ARHGEF38: variants seen among roughly 807,000 people sequenced by gnomAD.
ARHGEF38 encodes the protein Rho guanine nucleotide exchange factor (GEF) 38.
A neutral mutation model predicts 79.9 loss-of-function variants in ARHGEF38; 79 were observed. The observed-to-expected ratio is 0.99, with a 90% CI of 0.82 to 1.19. The LOEUF (loss-of-function observed/expected upper bound fraction) is 1.19, where lower values mean the gene tolerates loss of function less well. Among genes scored for constraint, ARHGEF38 ranks in the 50% most tolerant of loss-of-function variants. ARHGEF38 has a pLI of 0.00. For missense variants in ARHGEF38, 962 were observed against 907.2 expected, an observed-to-expected ratio of 1.06 and a Z score of -0.78; for synonymous variants, 366 against 328.3, an observed-to-expected ratio of 1.11 and a Z score of -1.24.
chr4:105,664,898 C>T (rs1305263399), intron 10 of ARHGEF38, among the ~76,000 whole-genome samples: 1 of 152,150 alleles, frequency 6.6e-6, no homozygotes, highest in South Asian at 2.1e-4. Context: ...ATATCCTTAT[C>T]TCATTTTCTT....
intron 1 of ARHGEF38, among the ~76,000 whole-genome samples, chr4:105,556,990 C>T (rs1401214673): frequency 6.6e-6 from 1 of 152,104 alleles, no homozygotes; most frequent in Non-Finnish European, 1.5e-5. Context: ...TCAAAAATTC[C>T]TCTTCTATTA....
chr4:105,659,185 G>C lies in ARHGEF38; in HGVS notation c.1365G>C (p.Thr455=), dbSNP rs191767409. 1.3e-6 allele frequency: 2 copies of C among 1,536,032 alleles called. No homozygotes were observed. The highest frequency in any genetic ancestry group is 1.7e-6 in the Non-Finnish European group (2 of 1,146,876). Reference sequence around the variant, plus strand: ...GCAACAGCTACCTGCAGCGATCAACGGGAGAGGAGTCAGACTTGGCCAAAA... The same window carrying C: ...GCAACAGCTACCTGCAGCGATCAACCGGAGAGGAGTCAGACTTGGCCAAAA... ...LDCNSYLQRS[T]GEESDLAKKE... Residue 455 remains threonine, a synonymous_variant, in exon 10 of 14, where the codon ACG becomes ACC. Transcript: ENST00000420470.
At chr4:105,615,821 C>T (rs940217184) in intron 3 of ARHGEF38, among the ~76,000 whole-genome samples, 2 of 152,154 alleles carry the variant, frequency 1.3e-5, no homozygotes, top group Non-Finnish European at 2.9e-5. Context: ...AAGGAAAGTT[C>T]TATCTTTCTT....
intron 1 of ARHGEF38, among the ~76,000 whole-genome samples, chr4:105,579,722 G>GT (rs1726686335): frequency 6.6e-6 from 1 of 152,114 alleles, no homozygotes; most frequent in Admixed American, 6.6e-5. Flanking sequence ...CCAGTCTTTG[G>GT]TATCAGGATG....
chr4:105,675,607 G>A (rs182825693), intron 13 of ARHGEF38, among the ~76,000 whole-genome samples: 20 of 152,274 alleles, frequency 1.3e-4, no homozygotes, highest in Non-Finnish European at 2.4e-4. Context: ...GTACCATAAT[G>A]TGGTCAATGG....
At chr4:105,580,541 G>T (rs77927640) in intron 1 of ARHGEF38, among the ~76,000 whole-genome samples, 2 of 151,974 alleles carry the variant, frequency 1.3e-5, no homozygotes, top group African/African-American at 4.8e-5. Context: ...AATTTTCTTG[G>T]TCATTAATTC....
chr4:105,600,546 A>G (rs28496264), intron 2 of ARHGEF38, among the ~76,000 whole-genome samples: 1,912 of 152,256 alleles, frequency 0.013, 37 homozygotes, highest in African/African-American at 0.044. Context: ...TTTTGTCCAC[A>G]TTAGCTCTGT....
At chr4:105,642,319 A>G (rs1382353081) in intron 5 of ARHGEF38, among the ~76,000 whole-genome samples, 1 of 152,170 alleles carries the variant, frequency 6.6e-6, no homozygotes, top group African/African-American at 2.4e-5. Context: ...AGTGTCTGGG[A>G]GATTTCTCAT....
intron 2 of ARHGEF38, among the ~76,000 whole-genome samples, chr4:105,605,232 C>A (rs1412576625): frequency 6.6e-6 from 1 of 152,090 alleles, no homozygotes; most frequent in Non-Finnish European, 1.5e-5. Flanking sequence ...AATATAATAA[C>A]TTTGCTTTTC....
rs1253774168 is a variant in ARHGEF38 at position 105,556,772 on chromosome 4, A to G, written c.196+3811A>G. 3.9e-5 allele frequency among the ~76,000 whole-genome samples: 6 copies of G among 152,272 alleles called. No individual in the cohort carries two copies. In the East Asian group the frequency reaches 5.8e-4, roughly 15 times the overall value. ...TTGAATGATCAGGCCCAAGCAGGAA[A>G]CTGGTGTGAAGAAAGACACCATGGC... On this transcript the variant is annotated intron_variant, in intron 1 of 13. Coordinates refer to ENST00000420470, the MANE Select transcript of ARHGEF38 (RefSeq NM_001242729.2).
chr4:105,576,196 A>G (rs1350050407), intron 1 of ARHGEF38, among the ~76,000 whole-genome samples: 2 of 152,042 alleles, frequency 1.3e-5, no homozygotes, highest in African/African-American at 2.4e-5. Context: ...TGATTTTGGT[A>G]TTTTGATGGG....
In ARHGEF38 at chr4:105,678,008, A is replaced by C; in HGVS notation, c.*71A>C. On this transcript the variant is annotated 3_prime_UTR_variant, in exon 14 of 14. Coordinates refer to ENST00000420470, the MANE Select transcript of ARHGEF38 (RefSeq NM_001242729.2). ...CTACCTCATAAAACTGACATTACAAAACTTTGGACCAGAAAGCAAGAAACC... is the reference window on the plus strand; with the variant it reads ...CTACCTCATAAAACTGACATTACAACACTTTGGACCAGAAAGCAAGAAACC... The C allele has an allele frequency of 2.2e-6, 3 of 1,353,830 alleles. No individual in the cohort carries two copies. Among genetic ancestry groups the C allele is most frequent in the Non-Finnish European group, 2.9e-6 (3 of 1,026,976 alleles). The allele number at this position is 1,353,830 out of a possible 1,614,324, so 83.9% of individuals were successfully genotyped here. A position where few individuals can be genotyped will look rare whatever the true frequency, so the allele number is the denominator to read the frequency against.
intron 2 of ARHGEF38, among the ~76,000 whole-genome samples, chr4:105,593,883 G>A (rs959550629): frequency 6.6e-6 from 1 of 152,126 alleles, no homozygotes; most frequent in Non-Finnish European, 1.5e-5. Context: ...AACATTTATG[G>A]TCGTTTATTT....
intron 6 of ARHGEF38, among the ~76,000 whole-genome samples, chr4:105,648,327 C>T (rs1418430662): frequency 1.3e-5 from 2 of 151,778 alleles, no homozygotes; most frequent in African/African-American, 4.8e-5. Context: ...AAACTTAATC[C>T]TTGAGGGGCT....
Position 105,663,121 on chromosome 4 carries a change from A to G in ARHGEF38, c.1546-3056A>G, listed in dbSNP as rs192442511. On this transcript the variant is annotated intron_variant, in intron 10 of 13. Transcript: ENST00000420470. ...GTACAACCCTCACACAGCTTACCCAATGGTAACACATCTTGCATAACTACA... is the reference window on the plus strand; with the variant it reads ...GTACAACCCTCACACAGCTTACCCAGTGGTAACACATCTTGCATAACTACA... 3.0e-4 allele frequency among the ~76,000 whole-genome samples: 46 copies of G among 152,300 alleles called. 1 individual carries two copies. Among genetic ancestry groups the G allele is most frequent in the Middle Eastern group, 3.4e-3 (1 of 294 alleles).
intron 1 of ARHGEF38, among the ~76,000 whole-genome samples, chr4:105,569,712 A>G (rs1726122606): frequency 6.6e-6 from 1 of 152,186 alleles, no homozygotes; most frequent in Non-Finnish European, 1.5e-5. Flanking sequence ...CAGTGGTGTG[A>G]CCTTGGGCAA....
Position 105,613,445 on chromosome 4 carries a change from C to T in ARHGEF38, c.446C>T (p.Ala149Val). The change falls in exon 3 of 14, where the codon GCC becomes GTC. Residue 149 changes from alanine to valine, a missense_variant. Coordinates refer to ENST00000420470, the MANE Select transcript of ARHGEF38 (RefSeq NM_001242729.2). ...SNIESVHQIS[A>V]KLLSLLEEAT... ...ATTGAGTCCGTGCATCAGATATCAG[C>T]CAAGCTGCTGTCATTGTTGGAAGAG... 6.2e-7 allele frequency: 1 copy of T among 1,613,336 alleles called. No individual in the cohort carries two copies. The highest frequency in any genetic ancestry group is 1.3e-5 in the African/African-American group (1 of 74,988).
At chr4:105,586,015 G>A (rs193074047) in intron 1 of ARHGEF38, among the ~76,000 whole-genome samples, 106 of 152,174 alleles carry the variant, frequency 7.0e-4, no homozygotes, top group African/African-American at 2.4e-3. Flanking sequence ...ACAGGCATGA[G>A]CCACTGCGCC....
intron 2 of ARHGEF38, among the ~76,000 whole-genome samples, chr4:105,607,193 T>C (rs1728084267): frequency 6.6e-6 from 1 of 152,110 alleles, no homozygotes; most frequent in African/African-American, 2.4e-5. Context: ...GTCAGCAAAT[T>C]AGCCAGTTAT....
Sources: gnomAD v4.1 joint callset for allele counts (sites outside exome capture counted in the v4.1 genomes callset) on GRCh38, gnomAD v4.1.1 for gene constraint, MANE v1.5 for transcripts, NCBI Gene and HGNC (gene_info 2026-07-23, HGNC 2026-07-21) for gene names.